Variants in EP400 observed in about 807,000 individuals in gnomAD.
The protein encoded by EP400 is E1A-binding protein p400.
A neutral mutation model predicts 354.1 loss-of-function variants in EP400; 105 were observed. The ratio of observed to expected loss-of-function variants is 0.30; its 90% confidence interval spans 0.25 to 0.35. EP400 has a LOEUF of 0.35. Among genes scored for constraint, EP400 ranks in the 10% least tolerant of loss-of-function variants. EP400 has a pLI of 1.00. For synonymous variants in EP400, 1,646 were observed against 1,716.9 expected (o/e 0.96, Z 1.02); for missense variants, 3,280 against 4,121.0 (o/e 0.80, Z 5.59).
rs1015299668 is a variant in EP400 at position 132,075,500 on chromosome 12, C to T, written c.9022-1016C>T. Among the ~76,000 whole-genome samples, 3 of 152,110 alleles carry T rather than the reference C, an allele frequency of 2.0e-5. No homozygotes were observed. Among genetic ancestry groups the T allele is most frequent in the Non-Finnish European group, 4.4e-5 (3 of 68,018 alleles). ...GTGCTGTGCCAAGTAAGTCCTGGAC[C>T]ATTGTGGTCTTGAGATGGGCCCTGG... On this transcript the variant is annotated intron_variant, in intron 51 of 52. Coordinates refer to ENST00000389561, the MANE Select transcript of EP400 (RefSeq NM_015409.5). This position sits in a 1 kb window ranked among gnomAD's most constrained non-coding sequence, Gnocchi z 4.5.
chr12:131,958,665 A>G (rs1350200403), intron 1 of EP400, among the ~76,000 whole-genome samples: 1 of 152,028 alleles, frequency 6.6e-6, no homozygotes, highest in Non-Finnish European at 1.5e-5. Context: ...AGGCTGCTAC[A>G]TTGCCACCAT....
chr12:131,966,686 C>T (rs1421741626), intron 2 of EP400, among the ~76,000 whole-genome samples: 7 of 150,718 alleles, frequency 4.6e-5, no homozygotes, highest in Non-Finnish European at 7.4e-5. Flanking sequence ...GGCAGATCAC[C>T]TGAGGTCAGG....
chr12:132,018,506 G>T lies in EP400; in HGVS notation c.4277+130G>T, dbSNP rs1894019339. On this transcript the variant is annotated intron_variant, in intron 21 of 52. Coordinates refer to ENST00000389561, the MANE Select transcript of EP400 (RefSeq NM_015409.5). The surrounding 1 kb of genome is among the most constrained non-coding windows in gnomAD (Gnocchi z 4.0). ...ATCTGCTGCTCTTGGGACCTTGCTG[G>T]TGTCCTTGGCTGTGGTATGCCTGGC... The T allele has an allele frequency of 7.6e-7, 1 of 1,322,192 alleles. No individual in the cohort carries two copies. The highest frequency in any genetic ancestry group is 1.0e-6 in the Non-Finnish European group (1 of 987,276). The allele number at this position is 1,322,192 out of a possible 1,614,324, so 81.9% of individuals were successfully genotyped here. A position where few individuals can be genotyped will look rare whatever the true frequency, so the allele number is the denominator to read the frequency against.
chr12:131,951,091 G>GTTTTTTTT (rs1891468539), intron 1 of EP400, among the ~76,000 whole-genome samples: 9 of 134,758 alleles, frequency 6.7e-5, no homozygotes, highest in South Asian at 4.7e-4. Flanking sequence ...TTTTTTTTTG[G>GTTTTTTTT]ATTTTTAGTA....
chr12:132,027,451 C>T lies in EP400; in HGVS notation c.5029C>T (p.Arg1677Cys), dbSNP rs764816364. ...PLTPQVGVPG[R>C]VAVNALAVGE... ...TGCATTTGTAGTTGGCGTTCCGGGC[C>T]GCGTGGCGGTGAATGCCTTGGCTGT... The change falls in exon 26 of 53, where the codon CGC becomes TGC. Residue 1677 changes from arginine (R) to cysteine (C), a missense_variant. Around this residue, in one of 20 missense-constraint regions of EP400, gnomAD observed 459 missense variants for 496.9 expected, o/e 0.92. Transcript: ENST00000389561. This position sits in a 1 kb window ranked among gnomAD's most constrained non-coding sequence, Gnocchi z 4.9. 5.0e-6 allele frequency: 8 copies of T among 1,614,076 alleles called. No homozygotes were observed. The highest frequency in any genetic ancestry group is 2.2e-5 in the South Asian group (2 of 91,090).
Position 131,988,804 on chromosome 12 carries a change from G to A in EP400, c.2409+914G>A, listed in dbSNP as rs1003042794. ...CTGTTTCTTGGGCCCTAGGGTCTTT[G>A]TTCATATTTTCTGTACTCTTAACGC... is the stretch of plus-strand genomic sequence containing the variant. On this transcript the variant is annotated intron_variant, in intron 7 of 52. Transcript: ENST00000389561. 1.4e-4 allele frequency among the ~76,000 whole-genome samples: 21 copies of A among 152,186 alleles called. No individual in the cohort carries two copies. The East Asian group carries it at 3.9e-3, about 28-fold the overall frequency.
At chr12:131,960,426 A>G (rs2136465459) in intron 1 of EP400, among the ~76,000 whole-genome samples, 159 bp from the exon 2 acceptor site, 1 of 152,314 alleles carries the variant, frequency 6.6e-6, no homozygotes, top group South Asian at 2.1e-4. Context: ...GACTGAGGAC[A>G]CATTTCTCCA....
intron 30 of EP400, among the ~76,000 whole-genome samples, chr12:132,034,753 G>T (rs1239186526): frequency 6.6e-6 from 1 of 152,238 alleles, no homozygotes; most frequent in Non-Finnish European, 1.5e-5. Flanking sequence ...GGCTTGGAGT[G>T]CTGCTCCCAC....
intron 47 of EP400, among the ~76,000 whole-genome samples, chr12:132,063,514 A>AG (rs1555223388): frequency 6.6e-6 from 1 of 152,240 alleles, no homozygotes; most frequent in Admixed American, 6.5e-5. Context: ...GGAAAAAAAA[A>AG]GGAAATGTTA....
chr12:131,960,634 T>TGGCCCC lies in EP400; in HGVS notation c.16_21dup (p.Gly6_Pro7dup). On this transcript the variant is annotated inframe_insertion, in exon 2 of 53. Transcript: ENST00000389561. ...GGGAGGTGATCATGCACCATGGCAC[T>TGGCCCC]GGCCCCCAGAACGTCCAGCATCAGC... is the stretch of plus-strand genomic sequence containing the variant. 3.1e-6 allele frequency: 5 copies of TGGCCCC among 1,590,382 alleles called. No homozygotes were observed. Among genetic ancestry groups the TGGCCCC allele is most frequent in the Non-Finnish European group, 4.3e-6 (5 of 1,169,280 alleles).
chr12:132,024,119 G>T (rs934943121), intron 24 of EP400, among the ~76,000 whole-genome samples, 178 bp downstream of exon 24: 2 of 152,224 alleles, frequency 1.3e-5, no homozygotes, highest in African/African-American at 4.8e-5. Context: ...ATCAGCCACC[G>T]GGTTGCCTGC....
At position 132,055,080 on chromosome 12, in the gene EP400, T is replaced by G; in HGVS notation, c.7775-19T>G. ...CATTTCTCCTGGCGCTGTTGCCTTATGCCCGCCTGTCTCCGCAGGTGCCGT... is the reference window on the plus strand; with the variant it reads ...CATTTCTCCTGGCGCTGTTGCCTTAGGCCCGCCTGTCTCCGCAGGTGCCGT... On this transcript the variant is annotated intron_variant, in intron 44 of 52. Transcript: ENST00000389561. 6.2e-7 allele frequency: 1 copy of G among 1,613,996 alleles called. No homozygotes were observed. Among genetic ancestry groups the G allele is most frequent in the Non-Finnish European group, 8.5e-7 (1 of 1,179,930 alleles).
intron 30 of EP400, 107 bp downstream of exon 30, chr12:132,032,256 C>T (rs1042779542): frequency 1.7e-4 from 216 of 1,291,570 alleles, no homozygotes; most frequent in Non-Finnish European, 1.4e-4. Context: ...AGAAGCTTTG[C>T]AGGAGATATT....
At chr12:132,033,702 T>G (rs1449560942) in intron 30 of EP400, among the ~76,000 whole-genome samples, 1 of 152,044 alleles carries the variant, frequency 6.6e-6, no homozygotes, top group Non-Finnish European at 1.5e-5. Flanking sequence ...TGGCTAATGT[T>G]TGTATTTTTT....
At chr12:132,039,529 A>G (rs1894826067) in intron 32 of EP400, among the ~76,000 whole-genome samples, 1 of 152,136 alleles carries the variant, frequency 6.6e-6, no homozygotes, top group Non-Finnish European at 1.5e-5. Context: ...CCGTGACCCA[A>G]ACCTTTGAGA....
intron 32 of EP400, among the ~76,000 whole-genome samples, chr12:132,041,691 G>C (rs1894915746): frequency 6.6e-6 from 1 of 152,234 alleles, no homozygotes; most frequent in African/African-American, 2.4e-5. Flanking sequence ...TTCAGGAGAT[G>C]CTGTGGCTGT....
Position 132,018,937 on chromosome 12 carries a change from A to G in EP400, c.4277+561A>G, listed in dbSNP as rs1231967677. The stretch of plus-strand genomic sequence containing the variant: ...GAAAGGAAAGGAAATAGGTATTTGG[A>G]GATGAAGGGGCCAGCTCTGCAGACA... On this transcript the variant is annotated intron_variant, in intron 21 of 52. Coordinates refer to ENST00000389561, the MANE Select transcript of EP400 (RefSeq NM_015409.5). The surrounding 1 kb of genome is among the most constrained non-coding windows in gnomAD (Gnocchi z 4.0). Among the ~76,000 whole-genome samples, 1 of 152,216 alleles carries G rather than the reference A, an allele frequency of 6.6e-6. No individual in the cohort carries two copies.
rs1262609583 is a variant in EP400 at position 132,025,819 on chromosome 12, G to C, written c.5014+15G>C. 1 of 1,567,424 alleles carries C rather than the reference G, an allele frequency of 6.4e-7. No individual in the cohort carries two copies. Among genetic ancestry groups the C allele is most frequent in the African/African-American group, 1.4e-5 (1 of 73,080 alleles). ...GACCCCACAAGGTAGGGTGCTCTGA[G>C]CAGGAGGGAGACTTGGCTTGGATGC... On this transcript the variant is annotated intron_variant, in intron 25 of 52. Coordinates refer to ENST00000389561, the MANE Select transcript of EP400 (RefSeq NM_015409.5). This position sits in a 1 kb window ranked among gnomAD's most constrained non-coding sequence, Gnocchi z 4.1.
chr12:132,006,887 T>G lies in EP400; in HGVS notation c.3304+10T>G, dbSNP rs754792261. The G allele has an allele frequency of 6.2e-7, 1 of 1,613,728 alleles. No individual in the cohort carries two copies. Among genetic ancestry groups the G allele is most frequent in the South Asian group, 1.1e-5 (1 of 90,976 alleles). ...CTAGCTTGTAACGAAGGTAAGAGTTTGCTAGTTTTTTTAACAATACCTATT... is the reference window on the plus strand; with the variant it reads ...CTAGCTTGTAACGAAGGTAAGAGTTGGCTAGTTTTTTTAACAATACCTATT... On this transcript the variant is annotated intron_variant, in intron 15 of 52. Coordinates refer to ENST00000389561, the MANE Select transcript of EP400 (RefSeq NM_015409.5).
Sources: gnomAD v4.1 joint callset for allele counts (sites outside exome capture counted in the v4.1 genomes callset) on GRCh38, gnomAD v4.1.1 for gene constraint, gnomAD v4.1.1 regional missense constraint, Gnocchi (gnomAD v3.1) non-coding constraint, MANE v1.5 for transcripts, NCBI Gene and HGNC (gene_info 2026-07-23, HGNC 2026-07-21) for gene names.